Variants in RNGTT observed in about 807,000 individuals in gnomAD.
The protein encoded by RNGTT is mRNA-capping enzyme.
RNGTT carries 33 observed loss-of-function variants against 79.3 expected under a neutral mutation model. The observed-to-expected ratio is 0.42, with a 90% CI of 0.32 to 0.56. The LOEUF is 0.56. Among genes scored for constraint, RNGTT ranks in the 20% least tolerant of loss-of-function variants. RNGTT has a pLI of 0.17. For missense variants in RNGTT, 497 were observed against 739.1 expected, an observed-to-expected ratio of 0.67 and a Z score of 3.80; for synonymous variants, 222 against 235.9, an observed-to-expected ratio of 0.94 and a Z score of 0.54.
chr6:88,766,481 C>A (rs575024368), intron 13 of RNGTT, among the ~76,000 whole-genome samples: 1 of 152,072 alleles, frequency 6.6e-6, no homozygotes, highest in Admixed American at 6.5e-5. Flanking sequence ...TAAAACTCAA[C>A]ACAATATAAA....
intron 14 of RNGTT, among the ~76,000 whole-genome samples, chr6:88,647,149 G>A (rs1231160702): frequency 6.6e-6 from 1 of 152,152 alleles, no homozygotes; most frequent in Admixed American, 6.5e-5. Flanking sequence ...TTATAGGGCA[G>A]CTAACACCAG....
At chr6:88,668,039 T>A (rs568853388) in intron 14 of RNGTT, among the ~76,000 whole-genome samples, 1 of 152,260 alleles carries the variant, frequency 6.6e-6, no homozygotes, top group Non-Finnish European at 1.5e-5. Context: ...TGAGCTGCAA[T>A]GACAGCTACA....
chr6:88,625,549 C>A (rs1464168261), intron 14 of RNGTT, among the ~76,000 whole-genome samples: 1 of 151,836 alleles, frequency 6.6e-6, no homozygotes, highest in Non-Finnish European at 1.5e-5. Flanking sequence ...CAACAGAAAG[C>A]AGACTAAGAT....
At chr6:88,676,770 T>C (rs1436191887) in intron 14 of RNGTT, among the ~76,000 whole-genome samples, 1 of 152,068 alleles carries the variant, frequency 6.6e-6, no homozygotes, top group African/African-American at 2.4e-5. Flanking sequence ...TTTGAAGAAA[T>C]ACTTCACTAG....
At chr6:88,880,720 A>T (rs970755647) in intron 8 of RNGTT, among the ~76,000 whole-genome samples, 3 of 152,198 alleles carry the variant, frequency 2.0e-5, no homozygotes, top group African/African-American at 7.2e-5. Flanking sequence ...AATAGTTGAA[A>T]TTAAATTTAT....
intron 13 of RNGTT, among the ~76,000 whole-genome samples, chr6:88,715,277 C>T (rs1776468739): frequency 2.0e-5 from 3 of 152,234 alleles, no homozygotes; most frequent in East Asian, 3.9e-4. Flanking sequence ...AGGACCTCTT[C>T]AAGAACAACT....
In RNGTT at chr6:88,849,012, T is replaced by C. The variant is rs543663618; in HGVS notation, c.1104+743A>G. Among the ~76,000 whole-genome samples the C allele has an allele frequency of 8.5e-5, 13 of 152,088 alleles. No individual in the cohort carries two copies. The South Asian group carries it at 2.7e-3, about 32-fold the overall frequency. On this transcript the variant is annotated intron_variant, in intron 10 of 15. Transcript: ENST00000369485. ...AGTGAGAGTAAGCCCAGACTGAACATGTATTAAAGCAGAGCTCAGTGTCAA... is the reference window on the plus strand; with the variant it reads ...AGTGAGAGTAAGCCCAGACTGAACACGTATTAAAGCAGAGCTCAGTGTCAA...
rs761506820 is a variant in RNGTT at position 88,612,932 on chromosome 6, G to C, written c.1631-50C>G. On this transcript the variant is annotated intron_variant, in intron 15 of 15. Transcript: ENST00000369485. ...CATGTGAGGGTTAATTAAGGCAGCTGACTCACCACAGGCTTATGAGAAAGG... is the reference window on the plus strand; with the variant it reads ...CATGTGAGGGTTAATTAAGGCAGCTCACTCACCACAGGCTTATGAGAAAGG... 9.0e-6 allele frequency: 14 copies of C among 1,551,518 alleles called. No individual in the cohort carries two copies. The East Asian group carries it at 2.9e-4, about 33-fold the overall frequency.
At chr6:88,634,742 A>C (rs1309195504) in intron 14 of RNGTT, among the ~76,000 whole-genome samples, 2 of 152,132 alleles carry the variant, frequency 1.3e-5, no homozygotes, top group African/African-American at 2.4e-5. Flanking sequence ...ATATTTTTGC[A>C]AAAAATAACT....
At chr6:88,865,941 T>C (rs1275247822) in intron 8 of RNGTT, among the ~76,000 whole-genome samples, 4 of 152,158 alleles carry the variant, frequency 2.6e-5, no homozygotes, top group Admixed American at 2.6e-4. Flanking sequence ...AATAAAATTA[T>C]AATTAAATCT....
chr6:88,669,594 A>G (rs909062657), intron 14 of RNGTT, among the ~76,000 whole-genome samples: 1 of 152,234 alleles, frequency 6.6e-6, no homozygotes, highest in African/African-American at 2.4e-5. Flanking sequence ...GAACCCATTT[A>G]GTAAGTTTAC....
intron 11 of RNGTT, among the ~76,000 whole-genome samples, chr6:88,835,499 G>A (rs1252519041): frequency 6.6e-6 from 1 of 152,164 alleles, no homozygotes; most frequent in Non-Finnish European, 1.5e-5. Context: ...AGAAAAATAG[G>A]CAATTAGACA....
rs1399301804 is a variant in RNGTT, at chr6:88,834,881, C to A, written c.1269+9476G>T. Among the ~76,000 whole-genome samples the A allele has an allele frequency of 2.6e-5, 4 of 151,790 alleles. No individual in the cohort carries two copies. In the East Asian group the frequency reaches 7.7e-4, roughly 29 times the overall value. On this transcript the variant is annotated intron_variant, in intron 11 of 15. Transcript: ENST00000369485. ...CATAAACATAAAATTTAAATTCCTGCCTAACGAAGCATGCAAATAACTAAT... is the reference window on the plus strand; with the variant it reads ...CATAAACATAAAATTTAAATTCCTGACTAACGAAGCATGCAAATAACTAAT...
At chr6:88,849,239 T>C (rs1365467809) in intron 10 of RNGTT, among the ~76,000 whole-genome samples, 3 of 152,150 alleles carry the variant, frequency 2.0e-5, no homozygotes, top group East Asian at 3.9e-4. Context: ...CTCTTAAATT[T>C]GAAGTTCTTT....
chr6:88,619,365 C>A (rs1257207891), intron 14 of RNGTT, among the ~76,000 whole-genome samples: 4 of 152,036 alleles, frequency 2.6e-5, no homozygotes, highest in Non-Finnish European at 5.9e-5. Flanking sequence ...ATGGGGTATC[C>A]CCATGTTGTT....
At position 88,951,665 on chromosome 6, in the gene RNGTT, C is replaced by A. The variant is rs545410023; in HGVS notation, c.65-10485G>T. 1.2e-3 allele frequency among the ~76,000 whole-genome samples: 183 copies of A among 152,218 alleles called. 9 individuals are homozygous for A. The South Asian group carries it at 0.036, about 30-fold the overall frequency. On this transcript the variant is annotated intron_variant, in intron 1 of 15. Coordinates refer to ENST00000369485, the MANE Select transcript of RNGTT (RefSeq NM_003800.5). ...CATTGGGGAATCTGAAAATCCAGAT[C>A]ACAGGAGAAGGATTTAATCTTACCT...
chr6:88,961,624 C>A (rs531338390), intron 1 of RNGTT, among the ~76,000 whole-genome samples: 2 of 152,264 alleles, frequency 1.3e-5, no homozygotes, highest in Admixed American at 6.5e-5. Context: ...ATTCATATAA[C>A]TTATTTTGTG....
At chr6:88,623,025 T>C (rs1450787219) in intron 14 of RNGTT, among the ~76,000 whole-genome samples, 2 of 152,014 alleles carry the variant, frequency 1.3e-5, no homozygotes, top group African/African-American at 4.8e-5. Flanking sequence ...TTTAGGTGGG[T>C]TCTAAGGAGA....
At chr6:88,640,617 T>C (rs1438151051) in intron 14 of RNGTT, among the ~76,000 whole-genome samples, 1 of 148,580 alleles carries the variant, frequency 6.7e-6, no homozygotes, top group African/African-American at 2.5e-5. Flanking sequence ...GATGTTGAAA[T>C]TGTCAATTTA....
Sources: allele counts gnomAD v4.1 joint callset (sites outside exome capture counted in the v4.1 genomes callset), GRCh38; gene constraint gnomAD v4.1.1; transcripts MANE v1.5; gene names NCBI Gene and HGNC (gene_info 2026-07-23, HGNC 2026-07-21).